CORIN: variants seen among roughly 807,000 people sequenced by gnomAD.
The protein encoded by CORIN is corin, serine peptidase.
CORIN carries 117 observed loss-of-function variants against 125.3 expected under a neutral mutation model. The observed-to-expected ratio is 0.93, with a 90% CI of 0.80 to 1.09. The LOEUF (loss-of-function observed/expected upper bound fraction) is 1.09, where lower values mean the gene tolerates loss of function less well. CORIN is among the 50% of genes least tolerant of loss of function. The probability of loss-of-function intolerance (pLI) is 0.00; values close to 1 mark genes in which losing one functional copy is unlikely to be tolerated. For synonymous variants in CORIN, 450 were observed against 466.4 expected (o/e 0.96, Z 0.45); for missense variants, 1,253 against 1,306.7 (o/e 0.96, Z 0.63).
intron 1 of CORIN, among the ~76,000 whole-genome samples, chr4:47,809,848 T>C (rs532593737): frequency 5.9e-5 from 9 of 152,326 alleles, no homozygotes; most frequent in African/African-American, 2.2e-4. Flanking sequence ...AATGCTACAT[T>C]ATGCACAGGC....
At chr4:47,624,384 T>C (rs916414156) in intron 17 of CORIN, among the ~76,000 whole-genome samples, 2 of 152,120 alleles carry the variant, frequency 1.3e-5, no homozygotes, top group African/African-American at 4.8e-5. Flanking sequence ...TTTATGCTTA[T>C]ACAAAGTGGT....
intron 15 of CORIN, 26 bp from the exon 16 acceptor site, chr4:47,642,075 C>G (rs1004078130): frequency 4.4e-6 from 7 of 1,605,592 alleles, no homozygotes; most frequent in Non-Finnish European, 6.0e-6. Flanking sequence ...ACAAGGGAAA[C>G]CCTAATTAAA....
chr4:47,624,005 C>T (rs1470874974), intron 17 of CORIN, 57 bp from the exon 18 acceptor site: 27 of 1,444,722 alleles, frequency 1.9e-5, no homozygotes, highest in Non-Finnish European at 2.5e-5. Context: ...TTGTTCAATT[C>T]AAACACTTTA....
intron 5 of CORIN, among the ~76,000 whole-genome samples, chr4:47,697,982 T>C (rs1726100404): frequency 6.6e-6 from 1 of 151,952 alleles, no homozygotes; most frequent in African/African-American, 2.4e-5. Flanking sequence ...CTCTGATTTA[T>C]GCACTCATTT....
intron 5 of CORIN, among the ~76,000 whole-genome samples, chr4:47,708,957 T>C (rs1422708132): frequency 1.3e-5 from 2 of 152,208 alleles, no homozygotes; most frequent in Non-Finnish European, 1.5e-5. Context: ...TTCAACCAAG[T>C]GTTCCCTGTG....
In CORIN at chr4:47,744,390, A is replaced by C. The variant is rs371510173; in HGVS notation, c.799+12T>G. Reference sequence around the variant, plus strand: ...AAATCTTCTAAAAATGAAATGAAACACAGACACCTACATTGCTTTCCGTTT... The same window carrying C: ...AAATCTTCTAAAAATGAAATGAAACCCAGACACCTACATTGCTTTCCGTTT... On this transcript the variant is annotated intron_variant, in intron 5 of 21. Transcript: ENST00000273857. 4 of 1,609,124 alleles carry C rather than the reference A, an allele frequency of 2.5e-6. No homozygotes were observed. Among genetic ancestry groups the C allele is most frequent in the Non-Finnish European group, 3.4e-6 (4 of 1,177,572 alleles).
chr4:47,720,825 T>C (rs1355176925), intron 5 of CORIN, among the ~76,000 whole-genome samples: 1 of 152,252 alleles, frequency 6.6e-6, no homozygotes, highest in Non-Finnish European at 1.5e-5. Flanking sequence ...TTTTAAGATG[T>C]GTACACTATG....
At chr4:47,662,365 T>C (rs1423683168) in intron 11 of CORIN, among the ~76,000 whole-genome samples, 1 of 152,084 alleles carries the variant, frequency 6.6e-6, no homozygotes, top group Non-Finnish European at 1.5e-5. Flanking sequence ...CTTCCATCAA[T>C]ATTGGTGAAA....
At chr4:47,707,274 GA>G (rs903474969) in intron 5 of CORIN, among the ~76,000 whole-genome samples, 29 of 151,710 alleles carry the variant, frequency 1.9e-4, no homozygotes, top group Admixed American at 3.9e-4. Context: ...TAAAAGAAGA[GA>G]AAAAAAAGAA....
chr4:47,705,274 G>T lies in CORIN; in HGVS notation c.800-12191C>A, dbSNP rs141555397. The stretch of plus-strand genomic sequence containing the variant: ...GCTTCTTCAGCTACATGAAAGTTTT[G>T]CAAACGTGAAGTCTAACATGTCAGT... On this transcript the variant is annotated intron_variant, in intron 5 of 21. Coordinates refer to ENST00000273857, the MANE Select transcript of CORIN (RefSeq NM_006587.4). Among the ~76,000 whole-genome samples, 219 of 152,182 alleles carry T rather than the reference G, an allele frequency of 1.4e-3. 3 individuals carry two copies. The East Asian group carries it at 0.036, about 25-fold the overall frequency.
At chr4:47,811,119 T>A (rs1376562250) in intron 1 of CORIN, among the ~76,000 whole-genome samples, 1 of 152,212 alleles carries the variant, frequency 6.6e-6, no homozygotes, top group Non-Finnish European at 1.5e-5. Context: ...TACCTCCTCC[T>A]ATCTGGTTTA....
Position 47,645,094 on chromosome 4 carries a change from G to T in CORIN, c.1944C>A (p.Asp648Glu). Residue 648 changes from aspartate to glutamate, a missense_variant, in exon 14 of 22, where the codon GAC (aspartate) becomes GAA (glutamate). By Grantham distance (45) the Asp-to-Glu change is conservative. Coordinates refer to ENST00000273857, the MANE Select transcript of CORIN (RefSeq NM_006587.4). ...ATAAGCACTTACAGCAGTTTTTCTC[G>T]TCCATGTAATCAGGGCAGTCTGGGA... Reference protein sequence around the residue: ...DGFPDCPDYMDEKNCSFCQDD... With the variant: ...DGFPDCPDYMEEKNCSFCQDD... 1.2e-6 allele frequency: 2 copies of T among 1,600,254 alleles called. No homozygotes were observed. The highest frequency in any genetic ancestry group is 1.7e-6 in the Non-Finnish European group (2 of 1,172,546).
chr4:47,601,872 A>C (rs974197720), intron 20 of CORIN, among the ~76,000 whole-genome samples: 1 of 152,226 alleles, frequency 6.6e-6, no homozygotes, highest in Non-Finnish European at 1.5e-5. Context: ...AATGTAAGTC[A>C]AACCTTATCT....
At chr4:47,792,070 T>A (rs2109927713) in intron 2 of CORIN, among the ~76,000 whole-genome samples, 1 of 152,290 alleles carries the variant, frequency 6.6e-6, no homozygotes, top group East Asian at 1.9e-4. Flanking sequence ...GTATCCTAAA[T>A]GTGAATCTTA....
At chr4:47,613,958 T>TAA (rs202186560) in intron 19 of CORIN, among the ~76,000 whole-genome samples, 2 of 145,162 alleles carry the variant, frequency 1.4e-5, no homozygotes, top group African/African-American at 5.0e-5. Context: ...TAAAGTATAA[T>TAA]AAAAAAAAAA....
At chr4:47,835,978 AG>A (rs1266228727) in intron 1 of CORIN, among the ~76,000 whole-genome samples, 2 of 152,190 alleles carry the variant, frequency 1.3e-5, no homozygotes, top group African/African-American at 4.8e-5. Context: ...CTACCCTGAA[AG>A]GAACTTTCTG....
intron 3 of CORIN, among the ~76,000 whole-genome samples, chr4:47,778,399 A>G (rs866163836): frequency 6.6e-6 from 1 of 152,228 alleles, no homozygotes; most frequent in Non-Finnish European, 1.5e-5. Flanking sequence ...AGAGTGAAAC[A>G]GTCACTGTTC....
At chr4:47,699,384 A>C (rs1726180893) in intron 5 of CORIN, among the ~76,000 whole-genome samples, 1 of 152,186 alleles carries the variant, frequency 6.6e-6, no homozygotes, top group Non-Finnish European at 1.5e-5. Context: ...CACTCCTAAT[A>C]GTGCCAGTGC....
intron 16 of CORIN, 151 bp downstream of exon 16, chr4:47,641,769 A>C (rs1723237987): frequency 1.2e-6 from 1 of 839,574 alleles, no homozygotes; most frequent in Non-Finnish European, 1.8e-6. Flanking sequence ...CTATAATTAA[A>C]TATGGTCCTC....
Sources: allele counts gnomAD v4.1 joint callset (sites outside exome capture counted in the v4.1 genomes callset), GRCh38; gene constraint gnomAD v4.1.1; transcripts MANE v1.5; gene names NCBI Gene and HGNC (gene_info 2026-07-23, HGNC 2026-07-21).